Variants in ACTR8 observed in about 807,000 individuals in gnomAD.
ACTR8 encodes actin related protein 8, also known as actin-related protein 8.
In ACTR8, 70 loss-of-function variants were observed where a neutral mutation model predicts 84.3. That is an observed-to-expected ratio of 0.83 (90% CI 0.68 to 1.01). ACTR8 has a LOEUF of 1.01. Ranked by LOEUF, ACTR8 falls within the 50% of genes least tolerant of loss-of-function variation. ACTR8 has a pLI of 0.00. For missense variants in ACTR8, 672 were observed against 775.4 expected (o/e 0.87, Z 1.58); for synonymous variants, 268 against 275.2 (o/e 0.97, Z 0.26).
Position 53,869,966 on chromosome 3 carries a change from C to A in ACTR8, c.1731+16G>T, listed in dbSNP as rs202219088. ...TCATTTGCATACAGTCCAACTTGCA[C>A]AATGAAACAACCTACCTTAGGCCTT... On this transcript the variant is annotated intron_variant, in intron 12 of 12. Coordinates refer to ENST00000335754, the MANE Select transcript of ACTR8 (RefSeq NM_022899.5). 145 of 1,613,110 alleles carry A rather than the reference C, an allele frequency of 9.0e-5. No homozygotes were observed. Among genetic ancestry groups the A allele is most frequent in the Non-Finnish European group, 1.2e-4 (143 of 1,179,390 alleles).
At chr3:53,878,750 G>A (rs1358956681) in intron 2 of ACTR8, among the ~76,000 whole-genome samples, 1 of 152,000 alleles carries the variant, frequency 6.6e-6, no homozygotes. Context: ...CTTGAGCCCA[G>A]GAGGTGGAAG....
chr3:53,872,599 T>G (rs1240073403), intron 9 of ACTR8, 75 bp from the exon 10 acceptor site: 2 of 1,460,494 alleles, frequency 1.4e-6, no homozygotes, highest in Non-Finnish European at 1.8e-6. Context: ...AATTCTGTTC[T>G]TCTAAAAACA....
chr3:53,868,615 CACTTAAGCATCCAGATCAATAAAT>C lies in ACTR8; in HGVS notation c.*80_*103del, dbSNP rs1699832645. The C allele has an allele frequency of 6.7e-7, 1 of 1,490,324 alleles. No homozygotes were observed. The highest frequency in any genetic ancestry group is 9.0e-7 in the Non-Finnish European group (1 of 1,109,200). 92.3% of individuals were successfully genotyped at this position (1,490,324 alleles called of 1,614,324 possible). On this transcript the variant is annotated 3_prime_UTR_variant, in exon 13 of 13. Transcript: ENST00000335754. ...GTTCAAATTCATTTACTGTCCATGA[CACTTAAGCATCCAGATCAATAAAT>C]TACAATACACATATTCTGTAAGAGT...
At position 53,868,726 on chromosome 3, in the gene ACTR8, A is replaced by G; in HGVS notation, c.1868T>C (p.Val623Ala). ...VRMLRERAAF[V>A]W is the part of the protein sequence containing the mutation. ...GTGACATTTCCTCCCCATTCACCAC[A>G]CAAACGCAGCCCGCTCTCGTAACAT... The change falls in exon 13 of 13, where the codon GTG (valine) becomes GCG (alanine). Residue 623 changes from valine (V) to alanine (A), a missense_variant. Transcript: ENST00000335754. The G allele has an allele frequency of 1.2e-6, 2 of 1,614,038 alleles. No homozygotes were observed. Among genetic ancestry groups the G allele is most frequent in the Non-Finnish European group, 1.7e-6 (2 of 1,179,976 alleles).
chr3:53,872,734 AC>A, intron 9 of ACTR8, among the ~76,000 whole-genome samples: 1 of 152,228 alleles, frequency 6.6e-6, no homozygotes, highest in East Asian at 1.9e-4. Flanking sequence ...GTGATATGAC[AC>A]CATATGAGAG....
At chr3:53,879,510 G>A (rs1473571960) in intron 2 of ACTR8, among the ~76,000 whole-genome samples, 1 of 151,950 alleles carries the variant, frequency 6.6e-6, no homozygotes, top group African/African-American at 2.4e-5. Context: ...TTGAAATTAT[G>A]GTTAATCTAA....
downstream of ACTR8, chr3:53,864,612 C>T (rs1699712298): frequency 4.3e-6 from 3 of 691,366 alleles, no homozygotes; most frequent in East Asian, 2.5e-5. Context: ...GATGTTTTTC[C>T]TTGCTGTCAC....
chr3:53,877,301 G>A lies in ACTR8; in HGVS notation c.597C>T (p.Gly199=). The A allele has an allele frequency of 6.2e-7, 1 of 1,614,006 alleles. No individual in the cohort carries two copies. The highest frequency in any genetic ancestry group is 1.1e-5 in the South Asian group (1 of 91,062). Residue 199 remains glycine (G), a synonymous_variant, in exon 5 of 13, where the codon GGC becomes GGT. Transcript: ENST00000335754. ...GQLNIHPGPG[G]SLTAVLADIE... is the part of the protein sequence containing the mutation. ...TATCTGCCAGAACAGCTGTAAGAGA[G>A]CCCCCAGGGCCTGGGTGAATATTTA...
At position 53,867,363 on chromosome 3, in the gene ACTR8, T is replaced by C. The variant is rs1699808210; in HGVS notation, c.*1356A>G. 6.6e-6 allele frequency: 1 copy of C among 152,170 alleles called. No individual in the cohort carries two copies. Among genetic ancestry groups the C allele is most frequent in the Admixed American group, 6.5e-5 (1 of 15,272 alleles). The allele number at this position is 152,170 out of a possible 1,614,324, so 9.4% of individuals were successfully genotyped here. On this transcript the variant is annotated 3_prime_UTR_variant, in exon 13 of 13. Coordinates refer to ENST00000335754, the MANE Select transcript of ACTR8 (RefSeq NM_022899.5). ...GTTAACAAATTTAAAAAATAAAACA[T>C]ACAATTTTCAAATTGAAGGCACACA...
rs535696904 is a variant in ACTR8, at chr3:53,871,270, C to T, written c.1529G>A (p.Gly510Asp). Residue 510 changes from glycine (G) to aspartate (D), a missense_variant, in exon 11 of 13, where the codon GGC becomes GAC. Coordinates refer to ENST00000335754, the MANE Select transcript of ACTR8 (RefSeq NM_022899.5). Reference protein sequence around the residue: ...AISLFEGKALGLDKAILHSID... With the variant: ...AISLFEGKALDLDKAILHSID... ...GCTATGGAGGATGGCTTTATCCAGGCCCAGGGCTTTTCCTTCAAACAGCGA... is the reference window on the plus strand; with the variant it reads ...GCTATGGAGGATGGCTTTATCCAGGTCCAGGGCTTTTCCTTCAAACAGCGA... 2.0e-5 allele frequency: 33 copies of T among 1,614,234 alleles called. No individual in the cohort carries two copies. The African/African-American group carries it at 3.6e-4, about 18-fold the overall frequency.
At chr3:53,863,394 C>A (rs1699640137), downstream of ACTR8, among the ~76,000 whole-genome samples, 1 of 150,228 alleles carries the variant, frequency 6.7e-6, no homozygotes, top group Non-Finnish European at 1.5e-5. Context: ...CAAGGCAGAG[C>A]TATTAAAAAA....
At chr3:53,868,908 T>A (rs1027524357) in intron 12 of ACTR8, 46 bp from the exon 13 acceptor site, 3 of 1,581,348 alleles carry the variant, frequency 1.9e-6, no homozygotes, top group Non-Finnish European at 1.7e-6. Flanking sequence ...ATAAGACATA[T>A]ACTCAATCAT....
At chr3:53,875,210 A>G (rs1187560262) in intron 7 of ACTR8, among the ~76,000 whole-genome samples, 2 of 152,218 alleles carry the variant, frequency 1.3e-5, no homozygotes, top group Non-Finnish European at 2.9e-5. Flanking sequence ...CTCAAAATGG[A>G]TTTTAGAATG....
In ACTR8 at chr3:53,876,680, A is replaced by G. The variant is rs536972168; in HGVS notation, c.718T>C (p.Tyr240His). ...YRCILLIPDI[Y>H]NKQHVKELVN... Reference sequence around the variant, plus strand: ...AGTTCTTTCACATGCTGCTTATTATAGATATCAGGAATTAACAAGATACAT... The same window carrying G: ...AGTTCTTTCACATGCTGCTTATTATGGATATCAGGAATTAACAAGATACAT... Residue 240 changes from tyrosine to histidine, a missense_variant, in exon 6 of 13, where the codon TAT becomes CAT. Physicochemically the swap from Tyr to His is moderately conservative, Grantham distance 83 (BLOSUM62 2). Coordinates refer to ENST00000335754, the MANE Select transcript of ACTR8 (RefSeq NM_022899.5). The G allele has an allele frequency of 3.2e-6, 5 of 1,563,364 alleles. No homozygotes were observed. Among genetic ancestry groups the G allele is most frequent in the Non-Finnish European group, 4.4e-6 (5 of 1,142,794 alleles).
rs556414817 is a variant in ACTR8 at position 53,872,419 on chromosome 3, G to T, written c.1267C>A (p.His423Asn). 6.2e-7 allele frequency: 1 copy of T among 1,611,410 alleles called. No homozygotes were observed. Among genetic ancestry groups the T allele is most frequent in the East Asian group, 2.2e-5 (1 of 44,636 alleles). The change falls in exon 10 of 13, where the codon CAT (histidine) becomes AAT (asparagine). Residue 423 changes from histidine (H) to asparagine (N), a missense_variant. Transcript: ENST00000335754. The part of the protein sequence containing the change: ...QGDPEDPHDE[H>N]YLLATQSKQE... ...TTGCTCTGTGTGGCCAGCAGGTAAT[G>T]TTCATCGTGAGGATCCTCAGGATCG...
At position 53,881,737 on chromosome 3, in the gene ACTR8, C is replaced by T. The variant is rs547563624; in HGVS notation, c.123+242G>A. On this transcript the variant is annotated intron_variant, in intron 1 of 12. Transcript: ENST00000335754. ...GAGCGCACACAACCAGACGGTGGGG[C>T]GTGCGGGAGATCGGAGCGGTGTCCC... is the stretch of plus-strand genomic sequence containing the variant. The T allele has an allele frequency of 2.8e-4, 168 of 610,248 alleles. No homozygotes were observed. In the African/African-American group the frequency reaches 3.1e-3, roughly 11 times the overall value. The allele number at this position is 610,248 out of a possible 1,614,324, so 37.8% of individuals were successfully genotyped here.
Position 53,873,104 on chromosome 3 carries a change from A to T in ACTR8, c.1089T>A (p.His363Gln). ...LDQDISGLQD[H>Q]EFQIRHPDSP... ...AATCAGGATGTCGAATCTGAAACTC[A>T]TGGTCCTGAAGCCCAGAGATGTCCT... The change falls in exon 9 of 13, where the codon CAT becomes CAA. Residue 363 changes from histidine to glutamine, a missense_variant. His to Gln is a conservative substitution (Grantham distance 24). Coordinates refer to ENST00000335754, the MANE Select transcript of ACTR8 (RefSeq NM_022899.5). 3 of 1,611,136 alleles carry T rather than the reference A, an allele frequency of 1.9e-6. No individual in the cohort carries two copies. Among genetic ancestry groups the T allele is most frequent in the Non-Finnish European group, 2.5e-6 (3 of 1,178,264 alleles).
Position 53,868,745 on chromosome 3 carries a change from G to A in ACTR8, c.1849C>T (p.Arg617Ter), listed in dbSNP as rs769527407. Residue 617 changes from arginine (R) to a stop codon, truncating the protein, a stop_gained, in exon 13 of 13, where the codon CGA (arginine) becomes TGA (stop). Transcript: ENST00000335754. LOFTEE classifies it high-confidence loss of function. Reference sequence around the variant, plus strand: ...CACCACACAAACGCAGCCCGCTCTCGTAACATGCGGACACCAAAGCGCTGC... The same window carrying A: ...CACCACACAAACGCAGCCCGCTCTCATAACATGCGGACACCAAAGCGCTGC... ...EWQRFGVRML[R>*]ERAAFVW The A allele has an allele frequency of 3.7e-6, 6 of 1,614,162 alleles. No individual in the cohort carries two copies. Among genetic ancestry groups the A allele is most frequent in the African/African-American group, 1.3e-5 (1 of 75,042 alleles).
chr3:53,872,371 A>G lies in ACTR8; in HGVS notation c.1302+13T>C, dbSNP rs375742765. 16 of 1,557,216 alleles carry G rather than the reference A, an allele frequency of 1.0e-5. No homozygotes were observed. Among genetic ancestry groups the G allele is most frequent in the Non-Finnish European group, 8.7e-6 (10 of 1,155,826 alleles). On this transcript the variant is annotated intron_variant, in intron 10 of 12. Transcript: ENST00000335754. ...ACAAAACTCTCTCTTCTCCTACCAGAATTGCTACGGACCTGTTCTTGTTTG... is the reference window on the plus strand; with the variant it reads ...ACAAAACTCTCTCTTCTCCTACCAGGATTGCTACGGACCTGTTCTTGTTTG...
Sources: gnomAD v4.1 joint callset for allele counts (sites outside exome capture counted in the v4.1 genomes callset) on GRCh38, gnomAD v4.1.1 for gene constraint, MANE v1.5 for transcripts, NCBI Gene and HGNC (gene_info 2026-07-23, HGNC 2026-07-21) for gene names.